Variants in CIBAR1 observed in about 807,000 individuals in gnomAD.
CIBAR1 encodes CBY1 interacting BAR domain containing 1.
In CIBAR1, 25 loss-of-function variants were observed where a neutral mutation model predicts 44.0. The ratio of observed to expected loss-of-function variants is 0.57; its 90% CI spans 0.41 to 0.79. CIBAR1 has a LOEUF of 0.79. Ranked by LOEUF, CIBAR1 falls within the 30% of genes least tolerant of loss-of-function variation. The pLI is 0.00. For missense variants in CIBAR1, 278 were observed against 344.8 expected, an observed-to-expected ratio of 0.81 and a Z score of 1.53; for synonymous variants, 115 against 119.0, an observed-to-expected ratio of 0.97 and a Z score of 0.22.
chr8:93,710,692 G>A (rs1810788203), intron 6 of CIBAR1, among the ~76,000 whole-genome samples: 1 of 152,026 alleles, frequency 6.6e-6, no homozygotes, highest in South Asian at 2.1e-4. Flanking sequence ...AAATTAGCCA[G>A]GCGTGATGGC....
intron 3 of CIBAR1, among the ~76,000 whole-genome samples, chr8:93,704,243 T>C (rs947636149): frequency 6.6e-6 from 1 of 152,204 alleles, no homozygotes; most frequent in Non-Finnish European, 1.5e-5. Context: ...GGACAGAAAT[T>C]GCTTTACTAT....
intron 4 of CIBAR1, among the ~76,000 whole-genome samples, chr8:93,707,450 TATC>T (rs1411499839): frequency 2.6e-5 from 4 of 152,132 alleles, no homozygotes; most frequent in African/African-American, 9.7e-5. Flanking sequence ...AAAATGAAAA[TATC>T]AATAAATGAG....
intron 8 of CIBAR1, chr8:93,727,338 T>C (rs2130393929): frequency 2.0e-6 from 1 of 494,734 alleles, no homozygotes; most frequent in Admixed American, 4.1e-5. Flanking sequence ...AACCCAATTG[T>C]ATTTTTTTTA....
chr8:93,717,386 A>G (rs1453794438), intron 6 of CIBAR1, among the ~76,000 whole-genome samples: 1 of 152,218 alleles, frequency 6.6e-6, no homozygotes, highest in Non-Finnish European at 1.5e-5. Context: ...GTATTTTAGC[A>G]TAATGCCGTT....
chr8:93,709,116 T>TA (rs1403266258), intron 5 of CIBAR1, among the ~76,000 whole-genome samples: 8 of 152,046 alleles, frequency 5.3e-5, no homozygotes, highest in Non-Finnish European at 1.2e-4. Context: ...CCATCTCTTC[T>TA]AAAAATACAA....
At chr8:93,724,536 G>T (rs933077115) in intron 7 of CIBAR1, 2 of 1,065,438 alleles carry the variant, frequency 1.9e-6, no homozygotes, top group Non-Finnish European at 2.5e-6. Flanking sequence ...TGTTGCCCAG[G>T]CTGGTCTTGA....
At chr8:93,713,308 C>T (rs550609992) in intron 6 of CIBAR1, among the ~76,000 whole-genome samples, 3 of 152,188 alleles carry the variant, frequency 2.0e-5, no homozygotes, top group South Asian at 2.1e-4. Flanking sequence ...TCTGGGATTA[C>T]AGGCGTGAGC....
chr8:93,717,800 T>C (rs1811091368), intron 6 of CIBAR1, among the ~76,000 whole-genome samples: 1 of 152,224 alleles, frequency 6.6e-6, no homozygotes, highest in Admixed American at 6.5e-5. Flanking sequence ...TATTTTGTTA[T>C]AATTAACAAA....
rs957289893 is a variant in CIBAR1, at chr8:93,710,299, A to G, written c.543+424A>G. Among the ~76,000 whole-genome samples, 4 of 152,172 alleles carry G rather than the reference A, an allele frequency of 2.6e-5. No individual in the cohort carries two copies. The East Asian group carries it at 7.8e-4, about 30-fold the overall frequency. On this transcript the variant is annotated intron_variant, in intron 6 of 8. Coordinates refer to ENST00000518322, the MANE Select transcript of CIBAR1 (RefSeq NM_145269.5). ...CAGACCCTGCCCACCCCACCCCACA[A>G]CAACAAAAAGAAAACAGAAAAAGCA...
At chr8:93,726,632 T>C (rs1811520189) in intron 8 of CIBAR1, 119 bp downstream of exon 8, 1 of 1,151,482 alleles carries the variant, frequency 8.7e-7, no homozygotes, top group Admixed American at 2.4e-5. Flanking sequence ...TGGACCTATT[T>C]CTTCTCTTCT....
In CIBAR1 at chr8:93,700,600, T is replaced by A. The variant is rs1810294906; in HGVS notation, c.-48T>A. ...CAGCGCGCGCCCAGGCGCCTTGGAA[T>A]CCCCGTCCTTGGGCCCCCGCAAGGT... On this transcript the variant is annotated 5_prime_UTR_variant, in exon 1 of 9. Coordinates refer to ENST00000518322, the MANE Select transcript of CIBAR1 (RefSeq NM_145269.5). 6.8e-7 allele frequency: 1 copy of A among 1,464,956 alleles called. No homozygotes were observed. Among genetic ancestry groups the A allele is most frequent in the Non-Finnish European group, 9.0e-7 (1 of 1,106,950 alleles). 90.7% of individuals were successfully genotyped at this position (1,464,956 alleles called of 1,614,324 possible).
chr8:93,705,728 G>A (rs910767894), intron 4 of CIBAR1, among the ~76,000 whole-genome samples: 2 of 152,160 alleles, frequency 1.3e-5, no homozygotes, highest in African/African-American at 4.8e-5. Flanking sequence ...GAGGCAGGCA[G>A]ATCATGAGGT....
chr8:93,709,328 A>G (rs1027566706), intron 5 of CIBAR1, among the ~76,000 whole-genome samples: 2 of 152,202 alleles, frequency 1.3e-5, no homozygotes, highest in Admixed American at 1.3e-4. Flanking sequence ...AGAGAATTGA[A>G]ATAATTTTTA....
In CIBAR1 at chr8:93,705,961, GAAAA is replaced by G. The variant is rs960509264; in HGVS notation, c.432+953_432+956del. 2.7e-5 allele frequency: 4 copies of G among 150,404 alleles called. No individual in the cohort carries two copies. The East Asian group carries it at 5.8e-4, about 22-fold the overall frequency. The allele number at this position is 150,404 out of a possible 1,614,324, so 9.3% of individuals were successfully genotyped here. ...CGAGACTATCTCAAAAAAAAAAAAA[GAAAA>G]AGAGAAAGAAAGCACTAACATCCCT... On this transcript the variant is annotated intron_variant, in intron 4 of 8. Coordinates refer to ENST00000518322, the MANE Select transcript of CIBAR1 (RefSeq NM_145269.5).
At chr8:93,708,483 A>T (rs895498332) in intron 5 of CIBAR1, among the ~76,000 whole-genome samples, 7 of 152,178 alleles carry the variant, frequency 4.6e-5, no homozygotes, top group African/African-American at 1.7e-4. Flanking sequence ...AATTTTAATT[A>T]GTTTTAATGA....
At chr8:93,708,077 C>T in intron 5 of CIBAR1, 61 bp downstream of exon 5, 1 of 1,261,194 alleles carries the variant, frequency 7.9e-7, no homozygotes, top group Non-Finnish European at 1.1e-6. Flanking sequence ...TTACTTGTTT[C>T]AATTTATACA....
At chr8:93,718,573 C>A in intron 6 of CIBAR1, 102 bp from the exon 7 acceptor site, 1 of 587,982 alleles carries the variant, frequency 1.7e-6, no homozygotes, top group East Asian at 3.1e-5. Flanking sequence ...ACAGATACTT[C>A]TGTATTTTAT....
At position 93,729,843 on chromosome 8, in the gene CIBAR1, T is replaced by TCCAACCAAC. The variant is rs1811720017; in HGVS notation, c.*1550_*1558dup. The TCCAACCAAC allele has an allele frequency of 1.3e-5, 2 of 152,076 alleles. No homozygotes were observed. Among genetic ancestry groups the TCCAACCAAC allele is most frequent in the African/African-American group, 4.8e-5 (2 of 41,396 alleles). The allele number at this position is 152,076 out of a possible 1,614,324, so 9.4% of individuals were successfully genotyped here. A position where few individuals can be genotyped will look rare whatever the true frequency, so the allele number is the denominator to read the frequency against. On this transcript the variant is annotated 3_prime_UTR_variant, in exon 9 of 9. Transcript: ENST00000518322. ...ACAACAACAAAAAACAGGCAACCAA[T>TCCAACCAAC]CCAACCAACCCAGCCTGTAAGTCTC... is the stretch of plus-strand genomic sequence containing the variant.
At chr8:93,711,055 T>C (rs1209009638) in intron 6 of CIBAR1, among the ~76,000 whole-genome samples, 2 of 152,206 alleles carry the variant, frequency 1.3e-5, no homozygotes, top group South Asian at 2.1e-4. Flanking sequence ...TACTATGATA[T>C]GGTATCTTAG....
Sources: gnomAD v4.1 joint callset for allele counts (sites outside exome capture counted in the v4.1 genomes callset) on GRCh38, gnomAD v4.1.1 for gene constraint, MANE v1.5 for transcripts, NCBI Gene and HGNC (gene_info 2026-07-23, HGNC 2026-07-21) for gene names.